Variants in LUC7L3 observed in about 807,000 individuals in gnomAD.
LUC7L3 encodes the protein luc7-like protein 3.
LUC7L3 carries 6 observed loss-of-function variants against 66.8 expected under a neutral mutation model. The ratio of observed to expected loss-of-function variants is 0.09; its 90% CI spans 0.05 to 0.18. LUC7L3 has a LOEUF of 0.18. LUC7L3 is among the 10% of genes least tolerant of loss of function. LUC7L3 has a pLI of 1.00. For missense variants in LUC7L3, 341 were observed against 531.1 expected, an observed-to-expected ratio of 0.64 and a Z score of 3.52; for synonymous variants, 160 against 174.7, an observed-to-expected ratio of 0.92 and a Z score of 0.66.
At chr17:50,746,497 A>G in intron 8 of LUC7L3, 45 bp from the exon 9 acceptor site, 1 of 1,579,688 alleles carries the variant, frequency 6.3e-7, no homozygotes, top group Non-Finnish European at 8.6e-7. Context: ...GCCTTTACTT[A>G]TTGTAATACT....
In LUC7L3 at chr17:50,736,994, C is replaced by G; in HGVS notation, c.134C>G (p.Ala45Gly). 1 of 1,609,296 alleles carries G rather than the reference C, an allele frequency of 6.2e-7. No homozygotes were observed. Among genetic ancestry groups the G allele is most frequent in the Non-Finnish European group, 8.5e-7 (1 of 1,177,622 alleles). ...TATTATCTCTGTGGTTTTTGTCCTG[C>G]GGAATTGTTCACAAATACACGTTCT... Reference protein sequence around the residue: ...CKYYLCGFCPAELFTNTRSDL... With the variant: ...CKYYLCGFCPGELFTNTRSDL... The change falls in exon 2 of 10, where the codon GCG becomes GGG. Residue 45 changes from alanine (A) to glycine (G), a missense_variant. Ala to Gly is a moderately conservative substitution (Grantham distance 60). Transcript: ENST00000505658.
At position 50,751,351 on chromosome 17, in the gene LUC7L3, C is replaced by CA. The variant is rs1194291619; in HGVS notation, c.*693dup. 1 of 1,295,262 alleles carries CA rather than the reference C, an allele frequency of 7.7e-7. No individual in the cohort carries two copies. The allele number at this position is 1,295,262 out of a possible 1,614,324, so 80.2% of individuals were successfully genotyped here. A position where few individuals can be genotyped will look rare whatever the true frequency, so the allele number is the denominator to read the frequency against. ...CCAAATTAAAAATCAAGGATTCAGT[C>CA]AAACTAAGCAGGTACTCATGCCAGG... On this transcript the variant is annotated 3_prime_UTR_variant, in exon 10 of 10. Transcript: ENST00000505658.
At position 50,754,793 on chromosome 17, in the gene LUC7L3, A is replaced by G. The variant is rs1010430726; in HGVS notation, c.*4132A>G. The stretch of plus-strand genomic sequence containing the variant: ...CTCCTTAGGCATTCTGGTTCCTTAA[A>G]TATAGTTAGTGTCACAGAGGATAAA... On this transcript the variant is annotated 3_prime_UTR_variant, in exon 10 of 10. Coordinates refer to ENST00000505658, the MANE Select transcript of LUC7L3 (RefSeq NM_016424.5). 1.3e-5 allele frequency: 2 copies of G among 152,212 alleles called. No individual in the cohort carries two copies. Among genetic ancestry groups the G allele is most frequent in the African/African-American group, 4.8e-5 (2 of 41,452 alleles). 9.4% of individuals were successfully genotyped at this position (152,212 alleles called of 1,614,324 possible). A position where few individuals can be genotyped will look rare whatever the true frequency, so the allele number is the denominator to read the frequency against.
At chr17:50,750,424 G>GT (rs1970924783) in intron 9 of LUC7L3, 77 bp from the exon 10 acceptor site, 1 of 1,366,938 alleles carries the variant, frequency 7.3e-7, no homozygotes, top group Admixed American at 2.2e-5. Flanking sequence ...TCTCTCAGTT[G>GT]TTTCACTTTT....
At chr17:50,722,334 A>G (rs1427255856) in intron 1 of LUC7L3, 1 of 151,350 alleles carries the variant, frequency 6.6e-6, no homozygotes, top group African/African-American at 2.4e-5. Context: ...AGTAGCTGGA[A>G]CTACAGGCGC....
chr17:50,745,766 T>C lies in LUC7L3; in HGVS notation c.740T>C (p.Leu247Pro). 6.3e-7 allele frequency: 1 copy of C among 1,592,860 alleles called. No homozygotes were observed. The highest frequency in any genetic ancestry group is 8.5e-7 in the Non-Finnish European group (1 of 1,174,428). The change falls in exon 8 of 10, where the codon CTA becomes CCA. Residue 247 changes from leucine to proline, a missense_variant. Transcript: ENST00000505658. The part of the protein sequence containing the change: ...RTEEPDRDER[L>P]KKEKQEREER... ...GAAGAACCTGATCGTGATGAGCGTC[T>C]AAAAAAGGAGAAGCAAGAAAGAGAA... is the stretch of plus-strand genomic sequence containing the variant.
chr17:50,726,966 G>GT (rs1969232149), intron 1 of LUC7L3, among the ~76,000 whole-genome samples: 1 of 152,060 alleles, frequency 6.6e-6, no homozygotes, highest in Non-Finnish European at 1.5e-5. Context: ...GCCGGTGCTT[G>GT]TAATCCCAGC....
chr17:50,730,877 T>C (rs1297667085), intron 1 of LUC7L3, among the ~76,000 whole-genome samples: 1 of 150,050 alleles, frequency 6.7e-6, no homozygotes, highest in African/African-American at 2.5e-5. Context: ...GAGGTAGAGG[T>C]TGCATTGAGC....
rs1297615865 is a variant in LUC7L3, at chr17:50,736,971, T to C, written c.111T>C (p.Tyr37=). 6 of 1,609,068 alleles carry C rather than the reference T, an allele frequency of 3.7e-6. No homozygotes were observed. The highest frequency in any genetic ancestry group is 3.4e-5 in the Admixed American group (2 of 59,610). ...VRWDHESVCK[Y]YLCGFCPAEL... is the part of the protein sequence containing the mutation. ...TTTTTCTTTACTAGGTTTGTAAATA[T>C]TATCTCTGTGGTTTTTGTCCTGCGG... Residue 37 remains tyrosine (Y), a synonymous_variant, in exon 2 of 10, where the codon TAT becomes TAC. Coordinates refer to ENST00000505658, the MANE Select transcript of LUC7L3 (RefSeq NM_016424.5).
chr17:50,746,424 T>C (rs1305985205), intron 8 of LUC7L3, 118 bp from the exon 9 acceptor site: 5 of 862,576 alleles, frequency 5.8e-6, no homozygotes, highest in African/African-American at 3.4e-5. Context: ...AGATTTCTAA[T>C]GTAAATATGT....
rs1450438677 is a variant in LUC7L3, at chr17:50,742,687, A to G, written c.426+956A>G. On this transcript the variant is annotated intron_variant, in intron 5 of 9. Transcript: ENST00000505658. Reference sequence around the variant, plus strand: ...GAGTCTCTTAAAAAGTTAAAAATGTACCATATGCCATTCTACTCCCAAATA... The same window carrying G: ...GAGTCTCTTAAAAAGTTAAAAATGTGCCATATGCCATTCTACTCCCAAATA... Among the ~76,000 whole-genome samples, 4 of 152,284 alleles carry G rather than the reference A, an allele frequency of 2.6e-5. No individual in the cohort carries two copies. In the East Asian group the frequency reaches 7.7e-4, roughly 29 times the overall value.
intron 1 of LUC7L3, chr17:50,722,247 G>C (rs1968830763): frequency 1.5e-5 from 2 of 131,280 alleles, no homozygotes; most frequent in South Asian, 4.8e-4. Context: ...TCCCAGGCTG[G>C]AGTGCAATGG....
At chr17:50,737,736 G>A (rs144358690) in intron 2 of LUC7L3, among the ~76,000 whole-genome samples, 2 of 152,152 alleles carry the variant, frequency 1.3e-5, no homozygotes, top group Admixed American at 6.5e-5. Flanking sequence ...TGCCACTAGT[G>A]TAGGTGGTCC....
intron 1 of LUC7L3, among the ~76,000 whole-genome samples, chr17:50,732,894 A>T (rs1354184313): frequency 2.6e-5 from 4 of 152,072 alleles, no homozygotes; most frequent in Non-Finnish European, 1.5e-5. Context: ...GAGCCCCGCC[A>T]GGTACCCCTG....
In LUC7L3 at chr17:50,751,956, G is replaced by C; in HGVS notation, c.*1295G>C. On this transcript the variant is annotated 3_prime_UTR_variant, in exon 10 of 10. Transcript: ENST00000505658. Reference sequence around the variant, plus strand: ...GGAAGTACCAATTAGTTGATTTGTTGGTGGCATTCCCCTTTTGGGAAAGCA... The same window carrying C: ...GGAAGTACCAATTAGTTGATTTGTTCGTGGCATTCCCCTTTTGGGAAAGCA... The C allele has an allele frequency of 1.9e-6, 2 of 1,028,108 alleles. No individual in the cohort carries two copies. Among genetic ancestry groups the C allele is most frequent in the East Asian group, 1.0e-4 (1 of 9,960 alleles). 63.7% of individuals were successfully genotyped at this position (1,028,108 alleles called of 1,614,324 possible).
At chr17:50,749,457 G>T in intron 9 of LUC7L3, 1 of 918,350 alleles carries the variant, frequency 1.1e-6, no homozygotes, top group South Asian at 1.8e-5. Flanking sequence ...CAAGTGTTAC[G>T]GACTAAATAT....
rs1970976976 is a variant in LUC7L3, at chr17:50,751,607, A to C, written c.*946A>C. 2.6e-6 allele frequency: 3 copies of C among 1,139,124 alleles called. No individual in the cohort carries two copies. Among genetic ancestry groups the C allele is most frequent in the South Asian group, 1.9e-5 (1 of 53,348 alleles). The allele number at this position is 1,139,124 out of a possible 1,614,324, so 70.6% of individuals were successfully genotyped here. A position where few individuals can be genotyped will look rare whatever the true frequency, so the allele number is the denominator to read the frequency against. On this transcript the variant is annotated 3_prime_UTR_variant, in exon 10 of 10. Coordinates refer to ENST00000505658, the MANE Select transcript of LUC7L3 (RefSeq NM_016424.5). The stretch of plus-strand genomic sequence containing the variant: ...TTAAAGAATTTTAAATACAATAAAC[A>C]CTTCATATTATTCGCCTTGTTACAC...
chr17:50,733,713 T>A (rs1354968745), intron 1 of LUC7L3, among the ~76,000 whole-genome samples: 1 of 152,206 alleles, frequency 6.6e-6, no homozygotes, highest in Non-Finnish European at 1.5e-5. Context: ...GTAAGACTTT[T>A]CATGTGTGTG....
At chr17:50,745,556 C>T (rs1438873071) in intron 7 of LUC7L3, among the ~76,000 whole-genome samples, 164 bp from the exon 8 acceptor site, 1 of 152,180 alleles carries the variant, frequency 6.6e-6, no homozygotes, top group Non-Finnish European at 1.5e-5. Context: ...GAGGATTAGA[C>T]AAATAATGAT....
Sources: allele counts gnomAD v4.1 joint callset (sites outside exome capture counted in the v4.1 genomes callset), GRCh38; gene constraint gnomAD v4.1.1; transcripts MANE v1.5; gene names NCBI Gene and HGNC (gene_info 2026-07-23, HGNC 2026-07-21).